DHRS1: variants seen among roughly 807,000 people sequenced by gnomAD.
DHRS1 encodes dehydrogenase/reductase 1.
Under a neutral mutation model 35.2 loss-of-function variants are expected in DHRS1, and 34 were observed. That is an observed-to-expected ratio of 0.97 (90% CI 0.74 to 1.29). The LOEUF (loss-of-function observed/expected upper bound fraction) is 1.29, where lower values mean the gene tolerates loss of function less well. Ranked by LOEUF, DHRS1 falls within the 50% of genes most tolerant of loss-of-function variation. The pLI is 0.00. For missense variants in DHRS1, 354 were observed against 403.6 expected, an observed-to-expected ratio of 0.88 and a Z score of 1.05; for synonymous variants, 133 against 160.0, an observed-to-expected ratio of 0.83 and a Z score of 1.27.
chr14:24,292,873 TG>T (rs2041187667), intron 4 of DHRS1, 89 bp from the exon 5 acceptor site: 1 of 1,486,498 alleles, frequency 6.7e-7, no homozygotes, highest in South Asian at 1.3e-5. Context: ...TGCCTTCTGG[TG>T]GTTGTTGTCC....
chr14:24,296,997 G>A, intron 2 of DHRS1, 116 bp from the exon 3 acceptor site: 1 of 1,411,576 alleles, frequency 7.1e-7, no homozygotes, highest in Non-Finnish European at 9.7e-7. Context: ...AGGAGAGCCT[G>A]CTGCAGAGGC....
intron 2 of DHRS1, 143 bp from the exon 3 acceptor site, chr14:24,297,024 C>T: frequency 7.9e-6 from 9 of 1,133,444 alleles, no homozygotes; most frequent in Non-Finnish European, 1.0e-5. Flanking sequence ...GCAGGCAACG[C>T]TGCCCTCTGG....
At chr14:24,292,423 C>T (rs2041175860) in intron 5 of DHRS1, 93 bp from the exon 6 acceptor site, 5 of 1,556,360 alleles carry the variant, frequency 3.2e-6, no homozygotes, top group Non-Finnish European at 4.4e-6. Context: ...CTCCACCCAC[C>T]CTGTCCTTCC....
intron 5 of DHRS1, 53 bp downstream of exon 5, chr14:24,292,599 A>T: frequency 6.2e-7 from 1 of 1,613,912 alleles, no homozygotes; most frequent in South Asian, 1.1e-5. Context: ...CCTGAGCTAT[A>T]GGTAACATCA....
rs958285807 is a variant in DHRS1 at position 24,290,697 on chromosome 14, G to A, written c.*162C>T. 8 of 791,064 alleles carry A rather than the reference G, an allele frequency of 1.0e-5. No individual in the cohort carries two copies. The highest frequency in any genetic ancestry group is 6.9e-5 in the African/African-American group (4 of 57,918). 49.0% of individuals were successfully genotyped at this position (791,064 alleles called of 1,614,324 possible). ...AAGGAAAACCAAGGCACAAAGAAGGGACCTAGGCGCACCCCAGAACTCACC... is the reference window on the plus strand; with the variant it reads ...AAGGAAAACCAAGGCACAAAGAAGGAACCTAGGCGCACCCCAGAACTCACC... On this transcript the variant is annotated 3_prime_UTR_variant, in exon 9 of 9. Coordinates refer to ENST00000288111, the MANE Select transcript of DHRS1 (RefSeq NM_001136050.3).
chr14:24,290,808 A>G lies in DHRS1; in HGVS notation c.*51T>C, dbSNP rs747824806. 2 of 1,609,962 alleles carry G rather than the reference A, an allele frequency of 1.2e-6. No homozygotes were observed. The highest frequency in any genetic ancestry group is 1.7e-6 in the Non-Finnish European group (2 of 1,177,232). ...CTGTTTCACTGAGACAGGACGAACCACCAAGTCCAAATGAGAAGACAAGCA... is the reference window on the plus strand; with the variant it reads ...CTGTTTCACTGAGACAGGACGAACCGCCAAGTCCAAATGAGAAGACAAGCA... On this transcript the variant is annotated 3_prime_UTR_variant, in exon 9 of 9. Coordinates refer to ENST00000288111, the MANE Select transcript of DHRS1 (RefSeq NM_001136050.3).
chr14:24,291,715 A>G, intron 6 of DHRS1, 90 bp from the exon 7 acceptor site: 3 of 1,315,462 alleles, frequency 2.3e-6, no homozygotes, highest in Non-Finnish European at 3.3e-6. Flanking sequence ...CCAGGAGAAA[A>G]AGACCAAAGA....
chr14:24,294,587 CAA>C (rs1036019546), intron 4 of DHRS1: 7 of 99,002 alleles, frequency 7.1e-5, no homozygotes, highest in African/African-American at 2.0e-4. Flanking sequence ...GATTCCACCT[CAA>C]AACAACAACA....
chr14:24,291,201 A>G lies in DHRS1; in HGVS notation c.743T>C (p.Leu248Pro). 3 of 1,614,148 alleles carry G rather than the reference A, an allele frequency of 1.9e-6. No individual in the cohort carries two copies. The highest frequency in any genetic ancestry group is 2.5e-6 in the Non-Finnish European group (3 of 1,180,018). Residue 248 changes from leucine to proline, a missense_variant, in exon 8 of 9, where the codon CTG becomes CCG. Coordinates refer to ENST00000288111, the MANE Select transcript of DHRS1 (RefSeq NM_001136050.3). ...ACAGGATGGCAGCACCTTACCACTC[A>G]GGCTCAGGATATTGGGATCTGCGGG... The part of the protein sequence containing the change: ...ALATDPNILS[L>P]SGKVLPSCDL...
At position 24,296,532 on chromosome 14, in the gene DHRS1, A is replaced by G; in HGVS notation, c.351T>C (p.Asp117=). The G allele has an allele frequency of 6.2e-7, 1 of 1,614,078 alleles. No individual in the cohort carries two copies. The highest frequency in any genetic ancestry group is 8.5e-7 in the Non-Finnish European group (1 of 1,179,928). ...ACCTGAGTCCGACGTTGTTGATATC[A>G]TCCCACATGGAGGCAGGGGTTTCCC... is the stretch of plus-strand genomic sequence containing the variant. ...AFWETPASMW[D]DINNVGLRGH... is the part of the protein sequence containing the mutation. The change falls in exon 4 of 9, where the codon GAT becomes GAC. Residue 117 remains aspartate, a synonymous_variant. Transcript: ENST00000288111.
At chr14:24,295,145 A>G (rs1419562541) in intron 4 of DHRS1, among the ~76,000 whole-genome samples, 1 of 152,252 alleles carries the variant, frequency 6.6e-6, no homozygotes, top group African/African-American at 2.4e-5. Context: ...AAATGATCAT[A>G]CATCCTCCCA....
chr14:24,291,716 A>C, intron 6 of DHRS1, 91 bp from the exon 7 acceptor site: 3 of 1,321,346 alleles, frequency 2.3e-6, no homozygotes, highest in Non-Finnish European at 3.3e-6. Flanking sequence ...CAGGAGAAAA[A>C]GACCAAAGAC....
In DHRS1 at chr14:24,290,722, C is replaced by T. The variant is rs1292032449; in HGVS notation, c.*137G>A. Reference sequence around the variant, plus strand: ...GACCTAGGCGCACCCCAGAACTCACCACGGACACACAGCAGAGGGCTTCTC... The same window carrying T: ...GACCTAGGCGCACCCCAGAACTCACTACGGACACACAGCAGAGGGCTTCTC... On this transcript the variant is annotated 3_prime_UTR_variant, in exon 9 of 9. Coordinates refer to ENST00000288111, the MANE Select transcript of DHRS1 (RefSeq NM_001136050.3). The T allele has an allele frequency of 8.7e-7, 1 of 1,150,244 alleles. No individual in the cohort carries two copies. The highest frequency in any genetic ancestry group is 2.2e-5 in the Admixed American group (1 of 45,268). The allele number at this position is 1,150,244 out of a possible 1,614,324, so 71.3% of individuals were successfully genotyped here.
chr14:24,296,486 G>T, intron 4 of DHRS1, 23 bp downstream of exon 4: 1 of 1,613,258 alleles, frequency 6.2e-7, no homozygotes, highest in Non-Finnish European at 8.5e-7. Context: ...AGGGAACATG[G>T]GTCCTGGCAG....
intron 8 of DHRS1, 56 bp downstream of exon 8, chr14:24,291,083 G>C (rs1393901281): frequency 6.2e-7 from 1 of 1,612,864 alleles, no homozygotes; most frequent in African/African-American, 1.3e-5. Context: ...AGGGAGGAGT[G>C]GGCAGGGAAC....
In DHRS1 at chr14:24,292,631, C is replaced by T. The variant is rs200116123; in HGVS notation, c.507+21G>A. 1.6e-5 allele frequency: 26 copies of T among 1,614,220 alleles called. No homozygotes were observed. The African/African-American group carries it at 3.3e-4, about 21-fold the overall frequency. On this transcript the variant is annotated intron_variant, in intron 5 of 8. Coordinates refer to ENST00000288111, the MANE Select transcript of DHRS1 (RefSeq NM_001136050.3). Reference sequence around the variant, plus strand: ...ATCACTGTCTTTTACCTCCTCAGCTCCTATGCCACTGGGTCCTCACCGCAG... The same window carrying T: ...ATCACTGTCTTTTACCTCCTCAGCTTCTATGCCACTGGGTCCTCACCGCAG...
At chr14:24,295,909 G>C (rs2041240925) in intron 4 of DHRS1, among the ~76,000 whole-genome samples, 1 of 152,216 alleles carries the variant, frequency 6.6e-6, no homozygotes, top group Non-Finnish European at 1.5e-5. Context: ...GGCATGACTT[G>C]ATTATATGAG....
rs966305611 is a variant in DHRS1 at position 24,292,086 on chromosome 14, C to G, written c.654+98G>C. On this transcript the variant is annotated intron_variant, in intron 6 of 8. Transcript: ENST00000288111. ...CCCATGCTCAGCCCTGCACCTGCCA[C>G]AGTAAGCACCTGGTGAGTGGGAGTA... 47 of 1,475,964 alleles carry G rather than the reference C, an allele frequency of 3.2e-5. No homozygotes were observed. In the South Asian group the frequency reaches 4.4e-4, roughly 14 times the overall value. 91.4% of individuals were successfully genotyped at this position (1,475,964 alleles called of 1,614,324 possible). A position where few individuals can be genotyped will look rare whatever the true frequency, so the allele number is the denominator to read the frequency against.
In DHRS1 at chr14:24,299,746, A is replaced by C. The variant is rs55982310; in HGVS notation, c.-190T>G. 248,050 of 576,994 alleles carry C rather than the reference A, an allele frequency of 0.43. 58,098 individuals carry two copies. The highest frequency in any genetic ancestry group is 0.53 in the Middle Eastern group (1,112 of 2,098). 35.7% of individuals were successfully genotyped at this position (576,994 alleles called of 1,614,324 possible). ...AGGTAGAGGGGCAGAGTCCCAGGCC[A>C]AAGTTAGAACCTGCGGATGGGGGCG... On this transcript the variant is annotated 5_prime_UTR_variant, in exon 1 of 9. Transcript: ENST00000288111.
Sources: gnomAD v4.1 joint callset for allele counts (sites outside exome capture counted in the v4.1 genomes callset) on GRCh38, gnomAD v4.1.1 for gene constraint, MANE v1.5 for transcripts, NCBI Gene and HGNC (gene_info 2026-07-23, HGNC 2026-07-21) for gene names.